Variants in PCDHA5 observed in about 807,000 individuals in gnomAD.
PCDHA5 encodes the protein protocadherin alpha-5.
A neutral mutation model predicts 61.6 loss-of-function variants in PCDHA5; 43 were observed. The ratio of observed to expected loss-of-function variants is 0.70; its 90% CI spans 0.55 to 0.90. The LOEUF (loss-of-function observed/expected upper bound fraction) is 0.90. PCDHA5 is among the 40% of genes least tolerant of loss of function. PCDHA5 has a pLI of 0.00. For synonymous variants in PCDHA5, 627 were observed against 543.9 expected (o/e 1.15, Z -2.13); for missense variants, 1,298 against 1,222.7 (o/e 1.06, Z -0.92).
chr5:140,858,197 A>T lies in PCDHA5; in HGVS notation c.2352+34070A>T. On this transcript the variant is annotated intron_variant, in intron 1 of 3. Transcript: ENST00000529859. ...GCTGGTGCTCACGCTGCTGCTGTAC[A>T]CTGCACTGAGGTGCTCGGCGGCGCC... is the stretch of plus-strand genomic sequence containing the variant. The T allele has an allele frequency of 1.3e-6, 2 of 1,597,058 alleles. 1 individual carries two copies.
intron 1 of PCDHA5, among the ~76,000 whole-genome samples, chr5:140,906,476 G>A (rs1284528767): frequency 1.3e-5 from 2 of 152,192 alleles, no homozygotes; most frequent in African/African-American, 4.8e-5. Context: ...TAGTACAAAT[G>A]TATAAATGCA....
chr5:140,886,097 A>C (rs1341108712), intron 1 of PCDHA5, among the ~76,000 whole-genome samples: 1 of 152,214 alleles, frequency 6.6e-6, no homozygotes, highest in Admixed American at 6.5e-5. Context: ...ATTGACATTG[A>C]TACAGTAAAG....
At chr5:140,835,709 C>A (rs2150242768) in intron 1 of PCDHA5, 4 of 1,613,352 alleles carry the variant, frequency 2.5e-6, no homozygotes, top group Non-Finnish European at 3.4e-6. Flanking sequence ...CTAGCGTGTC[C>A]GTGGAGGTGG....
intron 1 of PCDHA5, chr5:140,969,368 G>A: frequency 6.2e-7 from 1 of 1,608,874 alleles, no homozygotes; most frequent in Non-Finnish European, 8.5e-7. Flanking sequence ...ACAAACTCAT[G>A]CATTTGTTAC....
chr5:140,841,116 T>G, intron 1 of PCDHA5: 1 of 615,478 alleles, frequency 1.6e-6, no homozygotes, highest in Admixed American at 3.3e-5. Context: ...GTAATTCATG[T>G]AATCATTACC....
chr5:140,822,338 C>G lies in PCDHA5; in HGVS notation c.563C>G (p.Thr188Arg). 1 of 1,614,052 alleles carries G rather than the reference C, an allele frequency of 6.2e-7. No homozygotes were observed. The highest frequency in any genetic ancestry group is 8.5e-7 in the Non-Finnish European group (1 of 1,179,976). ...DLDVKTNEEE[T>R]NFLELVLRKS... ...GATGTTAAAACAAATGAAGAAGAAA[C>G]GAACTTTTTAGAGCTGGTTTTGAGG... is the stretch of plus-strand genomic sequence containing the variant. Residue 188 changes from threonine to arginine, a missense_variant, in exon 1 of 4, where the codon ACG becomes AGG. Thr to Arg is a moderately conservative substitution (Grantham distance 71, BLOSUM62 -1). Transcript: ENST00000529859.
intron 1 of PCDHA5, among the ~76,000 whole-genome samples, chr5:140,937,096 G>A (rs1173485186): frequency 6.8e-6 from 1 of 146,810 alleles, no homozygotes; most frequent in Non-Finnish European, 1.5e-5. Context: ...GGAGTGCAGT[G>A]GCGCAGTCTC....
intron 1 of PCDHA5, chr5:140,929,773 G>A (rs554286771): frequency 5.8e-6 from 1 of 173,032 alleles, no homozygotes; most frequent in East Asian, 1.8e-4. Context: ...AACCACAAAA[G>A]ATGTAAAAAT....
intron 1 of PCDHA5, among the ~76,000 whole-genome samples, chr5:140,902,102 GA>G (rs782818661): frequency 1.3e-5 from 2 of 151,098 alleles, no homozygotes; most frequent in Non-Finnish European, 2.9e-5. Context: ...GGAGTCTTTA[GA>G]TTTTTTTAAA....
intron 1 of PCDHA5, chr5:140,927,924 T>C: frequency 1.2e-6 from 2 of 1,614,204 alleles, no homozygotes; most frequent in Non-Finnish European, 1.7e-6. Context: ...ACTTCCTGAC[T>C]CTTTCGAACC....
Position 140,822,166 on chromosome 5 carries a change from A to C in PCDHA5, c.391A>C (p.Arg131=). ...GAAGGACATCAATGACAATCCGCCC[A>C]GGTTCTCCAGACAAGAACAAAGATT... ...AVKDINDNPP[R]FSRQEQRLFI... is the part of the protein sequence containing the mutation. Residue 131 remains arginine (R), a synonymous_variant, in exon 1 of 4, where the codon AGG becomes CGG. Coordinates refer to ENST00000529859, the MANE Select transcript of PCDHA5 (RefSeq NM_018908.3). 1 of 1,614,252 alleles carries C rather than the reference A, an allele frequency of 6.2e-7. No individual in the cohort carries two copies. Among genetic ancestry groups the C allele is most frequent in the Non-Finnish European group, 8.5e-7 (1 of 1,180,042 alleles).
chr5:140,875,817 G>C lies in PCDHA5; in HGVS notation c.2352+51690G>C, dbSNP rs1262566792. 3 of 1,614,090 alleles carry C rather than the reference G, an allele frequency of 1.9e-6. No homozygotes were observed. The highest frequency in any genetic ancestry group is 2.7e-5 in the African/African-American group (2 of 74,930). On this transcript the variant is annotated intron_variant, in intron 1 of 3. Coordinates refer to ENST00000529859, the MANE Select transcript of PCDHA5 (RefSeq NM_018908.3). ...AGGTGATCGTGGACAGGCCGCTGCA[G>C]GTTTTCCATGTGGACGTGGAGGTGA...
chr5:140,853,472 T>C lies in PCDHA5; in HGVS notation c.2352+29345T>C, dbSNP rs1420566523. The C allele has an allele frequency of 4.8e-5, 47 of 973,390 alleles. 7 individuals are homozygous for C. The highest frequency in any genetic ancestry group is 5.7e-5 in the Non-Finnish European group (46 of 806,260). 60.3% of individuals were successfully genotyped at this position (973,390 alleles called of 1,614,324 possible). A position where few individuals can be genotyped will look rare whatever the true frequency, so the allele number is the denominator to read the frequency against. ...AGGTCTCCTTATATGCATCTGTAGT[T>C]AACATTCCTCAATTCAAGTTAGAAT... On this transcript the variant is annotated intron_variant, in intron 1 of 3. Coordinates refer to ENST00000529859, the MANE Select transcript of PCDHA5 (RefSeq NM_018908.3).
At chr5:140,837,357 C>A (rs2150274946) in intron 1 of PCDHA5, among the ~76,000 whole-genome samples, 2 of 151,850 alleles carry the variant, frequency 1.3e-5, no homozygotes, top group Non-Finnish European at 2.9e-5. Context: ...GTTTAAATGG[C>A]AGTTTAATAG....
intron 1 of PCDHA5, chr5:140,927,546 A>G (rs1554204713): frequency 6.2e-7 from 1 of 1,614,146 alleles, no homozygotes; most frequent in Non-Finnish European, 8.5e-7. Flanking sequence ...GAGACGCACA[A>G]GTCACCATCA....
chr5:140,969,454 A>T, intron 1 of PCDHA5: 1 of 1,511,824 alleles, frequency 6.6e-7, no homozygotes. Flanking sequence ...AACTGAGTAT[A>T]TATAGTATCC....
At chr5:140,872,610 T>C (rs1270918795) in intron 1 of PCDHA5, among the ~76,000 whole-genome samples, 2 of 152,146 alleles carry the variant, frequency 1.3e-5, no homozygotes, top group Non-Finnish European at 2.9e-5. Context: ...AAAATAATTT[T>C]TTTTGCCTGT....
At chr5:140,925,108 G>GGAGGGAA (rs1554202548) in intron 1 of PCDHA5, among the ~76,000 whole-genome samples, 1 of 124,702 alleles carries the variant, frequency 8.0e-6, no homozygotes, top group African/African-American at 3.3e-5. Context: ...GAAGGAAGGA[G>GGAGGGAA]GGAAGGAAGG....
chr5:140,974,467 A>C (rs2096628825), intron 1 of PCDHA5, among the ~76,000 whole-genome samples: 1 of 152,228 alleles, frequency 6.6e-6, no homozygotes, highest in Non-Finnish European at 1.5e-5. Context: ...TTCAGAGGAA[A>C]GTATTCCACC....
Sources: gnomAD v4.1 joint callset for allele counts (sites outside exome capture counted in the v4.1 genomes callset) on GRCh38, gnomAD v4.1.1 for gene constraint, MANE v1.5 for transcripts, NCBI Gene and HGNC (gene_info 2026-07-23, HGNC 2026-07-21) for gene names.